The following NOTCH2 variants were observed in gnomAD, a reference collection of about 807,000 sequenced individuals.
NOTCH2 encodes the protein neurogenic locus notch homolog protein 2.
Under a neutral mutation model 235.8 loss-of-function variants are expected in NOTCH2, and 29 were observed. The ratio of observed to expected loss-of-function variants is 0.12; its 90% CI spans 0.09 to 0.17. The LOEUF is 0.17. NOTCH2 is among the 10% of genes least tolerant of loss of function. The pLI is 1.00. For synonymous variants in NOTCH2, 1,086 were observed against 1,141.5 expected (o/e 0.95, Z 0.98); for missense variants, 2,285 against 3,150.2 (o/e 0.73, Z 6.57).
chr1:119,936,627 T>G (rs2101185207), intron 21 of NOTCH2, among the ~76,000 whole-genome samples: 1 of 152,324 alleles, frequency 6.6e-6, no homozygotes, highest in African/African-American at 2.4e-5. Context: ...ACAGAAGCTA[T>G]CGTTGGCTCA....
At chr1:120,068,717 G>A in intron 1 of NOTCH2, 2 of 325,806 alleles carry the variant, frequency 6.1e-6, no homozygotes, top group Non-Finnish European at 1.1e-5. Context: ...TACTTCTCCT[G>A]CCTCCACCTT....
At chr1:119,927,098 T>C (rs142290522) in intron 23 of NOTCH2, among the ~76,000 whole-genome samples, 4 of 152,356 alleles carry the variant, frequency 2.6e-5, no homozygotes, top group African/African-American at 9.6e-5. Context: ...TTTTGGCCTT[T>C]CTGTAACCTA....
At chr1:120,059,145 CG>C (rs1655227395) in intron 1 of NOTCH2, among the ~76,000 whole-genome samples, 2 of 131,186 alleles carry the variant, frequency 1.5e-5, no homozygotes, top group African/African-American at 6.0e-5. Context: ...GTCTAACTGG[CG>C]TTTTCTGAAC....
chr1:119,955,401 T>C (rs1038967037), intron 12 of NOTCH2, among the ~76,000 whole-genome samples, 169 bp from the exon 13 acceptor site: 1 of 152,196 alleles, frequency 6.6e-6, no homozygotes, highest in African/African-American at 2.4e-5. Flanking sequence ...CTTAATGCCA[T>C]GCAAAGGAGC....
At chr1:120,068,768 G>A (rs1322854909) in intron 1 of NOTCH2, 10 of 349,710 alleles carry the variant, frequency 2.9e-5, no homozygotes, top group Non-Finnish European at 5.4e-5. Context: ...CCGGACTTTC[G>A]GTGGGGTTGG....
At chr1:119,924,167 T>C (rs964855628) in intron 25 of NOTCH2, among the ~76,000 whole-genome samples, 183 bp from the exon 26 acceptor site, 2 of 152,212 alleles carry the variant, frequency 1.3e-5, no homozygotes, top group Non-Finnish European at 2.9e-5. Flanking sequence ...CACTCATCCT[T>C]GTTGAGTACT....
At chr1:120,041,082 A>C (rs1553212750) in intron 1 of NOTCH2, among the ~76,000 whole-genome samples, 1 of 110,796 alleles carries the variant, frequency 9.0e-6, no homozygotes, top group Admixed American at 8.3e-5. Context: ...ATATATATAT[A>C]TATATATATT....
intron 18 of NOTCH2, 58 bp from the exon 19 acceptor site, chr1:119,940,814 C>G: frequency 7.0e-7 from 1 of 1,431,534 alleles, no homozygotes; most frequent in Non-Finnish European, 9.8e-7. Flanking sequence ...CTTACTACTA[C>G]AAAGTAAGAT....
chr1:120,023,208 C>T lies in NOTCH2; in HGVS notation c.155+6698G>A, dbSNP rs587735970. On this transcript the variant is annotated intron_variant, in intron 2 of 33. Coordinates refer to ENST00000256646, the MANE Select transcript of NOTCH2 (RefSeq NM_024408.4). ...ATCCCAGCACTTTGGGAGGCCGAGG[C>T]GGGCAGATCATGAGGTCAGGAGATA... 6.4e-3 allele frequency among the ~76,000 whole-genome samples: 971 copies of T among 151,172 alleles called. 4 individuals carry two copies. Among genetic ancestry groups the T allele is most frequent in the African/African-American group, 0.02 (830 of 41,150 alleles).
intron 33 of NOTCH2, among the ~76,000 whole-genome samples, chr1:119,917,397 G>A (rs932277805): frequency 4.6e-5 from 7 of 152,160 alleles, no homozygotes; most frequent in Non-Finnish European, 7.4e-5. Flanking sequence ...TGGAGAAAAG[G>A]AAATGTCAGG....
At chr1:119,938,862 A>G (rs1553196093) in intron 19 of NOTCH2, among the ~76,000 whole-genome samples, 2 of 152,148 alleles carry the variant, frequency 1.3e-5, no homozygotes, top group East Asian at 3.9e-4. Flanking sequence ...TTGTATTTTT[A>G]GTAGAGGCGG....
chr1:119,953,385 A>G (rs1158370506), intron 14 of NOTCH2, among the ~76,000 whole-genome samples, 158 bp downstream of exon 14: 1 of 152,168 alleles, frequency 6.6e-6, no homozygotes. Flanking sequence ...GTATCTATTC[A>G]TGTTTTTATT....
intron 5 of NOTCH2, among the ~76,000 whole-genome samples, chr1:119,981,063 G>A (rs1651793887): frequency 6.6e-6 from 1 of 152,056 alleles, no homozygotes; most frequent in Non-Finnish European, 1.5e-5. Context: ...TGGTAACCCT[G>A]AGTCTCTCGT....
rs771883723 is a variant in NOTCH2, at chr1:119,923,645, C to G, written c.4851G>C (p.Glu1617Asp). The G allele has an allele frequency of 1.2e-6, 2 of 1,613,710 alleles. No homozygotes were observed. Among genetic ancestry groups the G allele is most frequent in the Admixed American group, 3.3e-5 (2 of 60,006 alleles). ...AGAAACCAAACACCTACCCAGCCAC[C>G]TCCTGTTCTTGTTCACCAGGAAGGG... ...RRSLPGEQEQ[E>D]VAGSKVFLEI... The change falls in exon 26 of 34, where the codon GAG (glutamate) becomes GAC (aspartate). Residue 1617 changes from glutamate (E) to aspartate (D), a missense_variant. Coordinates refer to ENST00000256646, the MANE Select transcript of NOTCH2 (RefSeq NM_024408.4).
In NOTCH2 at chr1:119,914,504, A is replaced by G. The variant is rs1648996624; in HGVS notation, c.*802T>C. 4.3e-6 allele frequency: 1 copy of G among 233,438 alleles called. No individual in the cohort carries two copies. Among genetic ancestry groups the G allele is most frequent in the African/African-American group, 2.2e-5 (1 of 45,368 alleles). The allele number at this position is 233,438 out of a possible 1,614,324, so 14.5% of individuals were successfully genotyped here. ...AGTTTATATGAAGACCTGCACACAG[A>G]CAAGAAAAATTAAGGTGCAGCCTCT... On this transcript the variant is annotated 3_prime_UTR_variant, in exon 34 of 34. Coordinates refer to ENST00000256646, the MANE Select transcript of NOTCH2 (RefSeq NM_024408.4).
intron 5 of NOTCH2, among the ~76,000 whole-genome samples, chr1:119,978,660 C>T (rs1361334867): frequency 1.3e-5 from 2 of 152,158 alleles, no homozygotes; most frequent in Non-Finnish European, 2.9e-5. Flanking sequence ...AAAGCTGACC[C>T]CCGCCACAGA....
At chr1:119,950,447 A>T (rs995101965) in intron 15 of NOTCH2, 18 of 584,738 alleles carry the variant, frequency 3.1e-5, no homozygotes, top group Non-Finnish European at 5.8e-5. Flanking sequence ...GACAACCATC[A>T]TCTATGTGCC....
intron 4 of NOTCH2, 89 bp from the exon 5 acceptor site, chr1:119,987,171 G>C: frequency 1.3e-6 from 2 of 1,507,746 alleles, no homozygotes; most frequent in Non-Finnish European, 1.8e-6. Flanking sequence ...TATTAGAATA[G>C]ACCCGCTTCA....
At chr1:119,972,664 C>T (rs1169948549) in intron 5 of NOTCH2, among the ~76,000 whole-genome samples, 1 of 152,180 alleles carries the variant, frequency 6.6e-6, no homozygotes, top group Non-Finnish European at 1.5e-5. Context: ...CATTGACTGC[C>T]TACTGAGAAG....
Sources: allele counts gnomAD v4.1 joint callset (sites outside exome capture counted in the v4.1 genomes callset), GRCh38; gene constraint gnomAD v4.1.1; transcripts MANE v1.5; gene names NCBI Gene and HGNC (gene_info 2026-07-23, HGNC 2026-07-21).